Variants in DNAH11 observed in about 807,000 individuals in gnomAD.
The protein encoded by DNAH11 is axonemal beta dynein heavy chain 11.
In DNAH11, 442 loss-of-function variants were observed where a neutral mutation model predicts 526.0. The ratio of observed to expected loss-of-function variants is 0.84; its 90% confidence interval spans 0.78 to 0.91. The LOEUF (loss-of-function observed/expected upper bound fraction) is 0.91, where lower values mean the gene tolerates loss of function less well. Ranked by LOEUF, DNAH11 falls within the 40% of genes least tolerant of loss-of-function variation. DNAH11 has a pLI of 0.00. For synonymous variants in DNAH11, 2,461 were observed against 1,935.9 expected (o/e 1.27, Z -7.12); for missense variants, 6,989 against 5,448.7 (o/e 1.28, Z -8.90).
intron 68 of DNAH11, among the ~76,000 whole-genome samples, chr7:21,858,417 C>T (rs563272776): frequency 6.6e-6 from 1 of 152,292 alleles, no homozygotes; most frequent in South Asian, 2.1e-4. Flanking sequence ...AAAAGCTTAA[C>T]AAATGTTCAT....
chr7:21,790,878 T>A (rs1337327801), intron 61 of DNAH11, among the ~76,000 whole-genome samples: 1 of 152,210 alleles, frequency 6.6e-6, no homozygotes, highest in East Asian at 1.9e-4. Flanking sequence ...ACTACAGAAT[T>A]TAAATTTTAT....
intron 29 of DNAH11, among the ~76,000 whole-genome samples, chr7:21,657,382 A>G: frequency 6.6e-6 from 1 of 152,288 alleles, no homozygotes; most frequent in Middle Eastern, 3.4e-3. Context: ...TTGTTGTTAT[A>G]GGGGGTTGGT....
At chr7:21,579,574 A>G (rs888054085) in intron 8 of DNAH11, among the ~76,000 whole-genome samples, 1 of 152,182 alleles carries the variant, frequency 6.6e-6, no homozygotes, top group African/African-American at 2.4e-5. Context: ...ACAGAATGTG[A>G]TAAGGCTTTG....
intron 14 of DNAH11, among the ~76,000 whole-genome samples, chr7:21,592,722 C>T (rs2128444195): frequency 6.6e-6 from 1 of 152,306 alleles, no homozygotes; most frequent in Non-Finnish European, 1.5e-5. Flanking sequence ...AGTTCATATC[C>T]TGCAGATATT....
At chr7:21,593,407 G>A (rs1288290393) in intron 14 of DNAH11, among the ~76,000 whole-genome samples, 2 of 152,170 alleles carry the variant, frequency 1.3e-5, no homozygotes, top group Non-Finnish European at 2.9e-5. Context: ...AGATCCTGAG[G>A]AGCTCTGCTG....
chr7:21,708,352 G>T (rs1784347591), intron 40 of DNAH11, among the ~76,000 whole-genome samples: 1 of 152,164 alleles, frequency 6.6e-6, no homozygotes. Context: ...ACCTCACAGC[G>T]AATCCTATAG....
intron 23 of DNAH11, among the ~76,000 whole-genome samples, 175 bp from the exon 24 acceptor site, chr7:21,618,925 A>G (rs1394439629): frequency 1.3e-5 from 2 of 152,234 alleles, no homozygotes; most frequent in African/African-American, 2.4e-5. Flanking sequence ...GTGACGCCTC[A>G]GGAATTGTGA....
intron 25 of DNAH11, among the ~76,000 whole-genome samples, chr7:21,624,807 A>G (rs890403697): frequency 3.9e-5 from 6 of 152,116 alleles, no homozygotes; most frequent in African/African-American, 2.4e-5. Flanking sequence ...TCAGATGTTC[A>G]TATCATTTTG....
At chr7:21,587,470 G>A (rs762214706) in intron 9 of DNAH11, among the ~76,000 whole-genome samples, 1 of 152,088 alleles carries the variant, frequency 6.6e-6, no homozygotes, top group Non-Finnish European at 1.5e-5. Flanking sequence ...AATCTTATTA[G>A]CTCAAAGCAT....
In DNAH11 at chr7:21,559,011, A is replaced by G; in HGVS notation, c.692+13A>G. 1.3e-6 allele frequency: 2 copies of G among 1,556,252 alleles called. No individual in the cohort carries two copies. The highest frequency in any genetic ancestry group is 2.4e-5 in the South Asian group (2 of 84,244). On this transcript the variant is annotated intron_variant, in intron 3 of 81. Coordinates refer to ENST00000409508, the MANE Select transcript of DNAH11 (RefSeq NM_001277115.2). ...GTTCAGAGAACAAGTACGTAACAGT[A>G]CAATATATACAGGATATTAAAGTAG...
intron 48 of DNAH11, among the ~76,000 whole-genome samples, chr7:21,741,100 A>T (rs763234083): frequency 6.6e-6 from 1 of 152,220 alleles, no homozygotes; most frequent in Non-Finnish European, 1.5e-5. Flanking sequence ...AGAAGCCTCA[A>T]TGTATTCTGG....
At chr7:21,682,317 G>A (rs1783176714) in intron 31 of DNAH11, among the ~76,000 whole-genome samples, 1 of 152,040 alleles carries the variant, frequency 6.6e-6, no homozygotes, top group Non-Finnish European at 1.5e-5. Context: ...ACGAGGTCAG[G>A]AGATCGAGAC....
intron 79 of DNAH11, among the ~76,000 whole-genome samples, chr7:21,898,316 C>T (rs987575796): frequency 6.6e-6 from 1 of 152,108 alleles, no homozygotes; most frequent in Non-Finnish European, 1.5e-5. Context: ...AATATAGGTC[C>T]GGGCACAGAG....
At chr7:21,710,136 ATTG>A (rs1784406734) in intron 40 of DNAH11, among the ~76,000 whole-genome samples, 1 of 152,314 alleles carries the variant, frequency 6.6e-6, no homozygotes, top group South Asian at 2.1e-4. Flanking sequence ...GCCCTTGAAA[ATTG>A]TTGTAGAAAA....
At chr7:21,765,656 A>T (rs1013127026) in intron 55 of DNAH11, 67 bp downstream of exon 55, 5 of 1,230,222 alleles carry the variant, frequency 4.1e-6, no homozygotes, top group Non-Finnish European at 5.4e-6. Context: ...ACACACACAC[A>T]CACTCTGAAA....
Position 21,818,343 on chromosome 7 carries a change from A to G in DNAH11, c.10691+4A>G, listed in dbSNP as rs1789902293. The G allele has an allele frequency of 6.2e-7, 1 of 1,606,072 alleles. No individual in the cohort carries two copies. The highest frequency in any genetic ancestry group is 8.5e-7 in the Non-Finnish European group (1 of 1,177,314). On this transcript the variant is annotated splice_donor_region_variant and intron_variant, in intron 65 of 81. Transcript: ENST00000409508. ...GGAACACAATTAAAAAAGGAAAGTA[A>G]GTATTCTTGAATTTTTAACATATAT... is the stretch of plus-strand genomic sequence containing the variant.
At chr7:21,580,414 A>G (rs1320305509) in intron 8 of DNAH11, among the ~76,000 whole-genome samples, 1 of 152,246 alleles carries the variant, frequency 6.6e-6, no homozygotes. Flanking sequence ...ATTGTGGTGT[A>G]TGACACATAG....
chr7:21,702,603 G>A (rs1310573942), intron 36 of DNAH11, 107 bp from the exon 37 acceptor site: 2 of 805,634 alleles, frequency 2.5e-6, no homozygotes, highest in African/African-American at 1.7e-5. Context: ...TCATTAAAGT[G>A]TGTATTTATC....
At chr7:21,880,415 T>C (rs1783873632) in intron 74 of DNAH11, among the ~76,000 whole-genome samples, 1 of 152,232 alleles carries the variant, frequency 6.6e-6, no homozygotes, top group South Asian at 2.1e-4. Flanking sequence ...AGGAAAATGA[T>C]GTCAAGCAGT....
Sources: allele counts gnomAD v4.1 joint callset (sites outside exome capture counted in the v4.1 genomes callset), GRCh38; gene constraint gnomAD v4.1.1; transcripts MANE v1.5; gene names NCBI Gene and HGNC (gene_info 2026-07-23, HGNC 2026-07-21).